The following DNAH11 variants were observed in gnomAD, a reference collection of about 807,000 sequenced individuals.
DNAH11 encodes dynein axonemal heavy chain 11.
A neutral mutation model predicts 526.0 loss-of-function variants in DNAH11; 442 were observed. The ratio of observed to expected loss-of-function variants is 0.84; its 90% CI spans 0.78 to 0.91. The LOEUF is 0.91. Ranked by LOEUF, DNAH11 falls within the 40% of genes least tolerant of loss-of-function variation. DNAH11 has a pLI of 0.00. For synonymous variants in DNAH11, 2,461 were observed against 1,935.9 expected (o/e 1.27, Z -7.12); for missense variants, 6,989 against 5,448.7 (o/e 1.28, Z -8.90).
In DNAH11 at chr7:21,615,120, G is replaced by A. The variant is rs1785706201; in HGVS notation, c.3859G>A (p.Glu1287Lys). Residue 1287 changes from glutamate to lysine, a missense_variant, in exon 21 of 82, where the codon GAA becomes AAA. Transcript: ENST00000409508. ...GTTTATGTTCTCTCCTTAGGCAAATGAAGAGCTTGAGGCCTTAGAAGAAGA... is the reference window on the plus strand; with the variant it reads ...GTTTATGTTCTCTCCTTAGGCAAATAAAGAGCTTGAGGCCTTAGAAGAAGA... ...NPYTALDKAN[E>K]ELEALEEEML... 2 of 1,609,822 alleles carry A rather than the reference G, an allele frequency of 1.2e-6. No homozygotes were observed. Among genetic ancestry groups the A allele is most frequent in the African/African-American group, 2.7e-5 (2 of 74,744 alleles).
intron 36 of DNAH11, among the ~76,000 whole-genome samples, chr7:21,702,002 A>G (rs1417563181): frequency 6.6e-6 from 1 of 152,176 alleles, no homozygotes; most frequent in African/African-American, 2.4e-5. Flanking sequence ...GCAATGTGCT[A>G]GCCCCAAGAA....
At chr7:21,663,024 C>T (rs1782295359) in intron 30 of DNAH11, among the ~76,000 whole-genome samples, 1 of 152,036 alleles carries the variant, frequency 6.6e-6, no homozygotes, top group South Asian at 2.1e-4. Flanking sequence ...ATTCCACACT[C>T]AATATCCATG....
At position 21,656,206 on chromosome 7, in the gene DNAH11, C is replaced by T. The variant is rs191709561; in HGVS notation, c.5094+225C>T. Among the ~76,000 whole-genome samples the T allele has an allele frequency of 2.1e-3, 324 of 152,182 alleles. 2 individuals are homozygous for T. Among genetic ancestry groups the T allele is most frequent in the African/African-American group, 6.8e-3 (281 of 41,522 alleles). ...TTGGCACCCAGCAGGGTCTCAGAGA[C>T]GCTAGGAATTGAGCTAGACAGAAGC... On this transcript the variant is annotated intron_variant, in intron 29 of 81. Transcript: ENST00000409508.
chr7:21,702,773 C>G lies in DNAH11; in HGVS notation c.6244C>G (p.Arg2082Gly). The G allele has an allele frequency of 1.2e-6, 2 of 1,613,298 alleles. No individual in the cohort carries two copies. Among genetic ancestry groups the G allele is most frequent in the Non-Finnish European group, 1.7e-6 (2 of 1,179,660 alleles). Residue 2082 changes from arginine to glycine, a missense_variant, in exon 37 of 82, where the codon CGA (arginine) becomes GGA (glycine). Arg to Gly is a moderately radical substitution (Grantham distance 125). Coordinates refer to ENST00000409508, the MANE Select transcript of DNAH11 (RefSeq NM_001277115.2). ...SVLVVAGSLK[R>G]GDKNRPEDQV... is the part of the protein sequence containing the mutation. ...CTTGGTTGTGGCTGGATCTCTGAAA[C>G]GAGGAGATAAAAATAGACCCGAAGA...
chr7:21,588,850 C>CT (rs901454627), intron 11 of DNAH11, among the ~76,000 whole-genome samples: 11 of 152,082 alleles, frequency 7.2e-5, no homozygotes, highest in Admixed American at 3.3e-4. Flanking sequence ...TTTTCTGGTC[C>CT]TTTTTTTCTT....
At chr7:21,710,463 C>T (rs72657350) in intron 40 of DNAH11, 90 bp from the exon 41 acceptor site, 68 of 1,209,238 alleles carry the variant, frequency 5.6e-5, no homozygotes, top group Non-Finnish European at 7.0e-5. Flanking sequence ...GCAGCAAAAT[C>T]GTTTTTATTT....
At chr7:21,590,863 A>C in intron 12 of DNAH11, 55 bp from the exon 13 acceptor site, 1 of 1,087,648 alleles carries the variant, frequency 9.2e-7, no homozygotes, top group Non-Finnish European at 1.2e-6. Context: ...ACTTGAGTTA[A>C]AATAGAATGA....
chr7:21,645,555 A>C (rs1787316731), intron 28 of DNAH11, among the ~76,000 whole-genome samples: 1 of 152,124 alleles, frequency 6.6e-6, no homozygotes, highest in African/African-American at 2.4e-5. Context: ...AGAGAAATAA[A>C]ATAAAACTGG....
At chr7:21,875,496 C>T (rs918847546) in intron 74 of DNAH11, among the ~76,000 whole-genome samples, 2 of 151,998 alleles carry the variant, frequency 1.3e-5, no homozygotes, top group Admixed American at 1.3e-4. Flanking sequence ...AATACACGTT[C>T]GAAAATATAC....
Position 21,687,439 on chromosome 7 carries a change from G to A in DNAH11, c.5836G>A (p.Glu1946Lys), listed in dbSNP as rs1165469663. ...VQTGAWGCFD[E>K]FNRISVEVLS... The stretch of plus-strand genomic sequence containing the variant: ...GACAGGAGCTTGGGGCTGCTTTGAT[G>A]AGTTCAACCGAATCTCTGTGGAAGT... Residue 1946 changes from glutamate (E) to lysine (K), a missense_variant, in exon 34 of 82, where the codon GAG becomes AAG. Glu to Lys is a moderately conservative substitution (Grantham distance 56). Transcript: ENST00000409508. 1.2e-6 allele frequency: 2 copies of A among 1,614,008 alleles called. No individual in the cohort carries two copies. Among genetic ancestry groups the A allele is most frequent in the Non-Finnish European group, 1.7e-6 (2 of 1,179,930 alleles).
chr7:21,547,205 TGA>T (rs1782836795), intron 2 of DNAH11, among the ~76,000 whole-genome samples: 2 of 152,246 alleles, frequency 1.3e-5, no homozygotes, highest in South Asian at 4.1e-4. Context: ...TTTAGCTGTT[TGA>T]GTTACGAATT....
At position 21,655,870 on chromosome 7, in the gene DNAH11, A is replaced by G. The variant is rs1263575510; in HGVS notation, c.4983A>G (p.Ala1661=). 6.2e-7 allele frequency: 1 copy of G among 1,613,392 alleles called. No individual in the cohort carries two copies. Among genetic ancestry groups the G allele is most frequent in the Non-Finnish European group, 8.5e-7 (1 of 1,179,568 alleles). ...CHLAKLFDSI[A]DLQFEDNQDV... ...TTGCCAAACTTTTCGACAGCATTGC[A>G]GATCTGCAGTTTGAAGACAATCAGG... is the stretch of plus-strand genomic sequence containing the variant. The change falls in exon 29 of 82, where the codon GCA becomes GCG. Residue 1661 remains alanine, a synonymous_variant. Coordinates refer to ENST00000409508, the MANE Select transcript of DNAH11 (RefSeq NM_001277115.2).
Position 21,767,837 on chromosome 7 carries a change from C to CT in DNAH11, c.9102+2254dup, listed in dbSNP as rs373738291. 3.3e-5 allele frequency among the ~76,000 whole-genome samples: 5 copies of CT among 151,982 alleles called. No individual in the cohort carries two copies. The South Asian group carries it at 1.0e-3, about 32-fold the overall frequency. On this transcript the variant is annotated intron_variant, in intron 55 of 81. Coordinates refer to ENST00000409508, the MANE Select transcript of DNAH11 (RefSeq NM_001277115.2). ...TGATCACTTTCTTAGTTTTAATTTC[C>CT]TTTTTTAAGACTGAAAGTTATCAGC...
rs1562503295 is a variant in DNAH11 at position 21,711,837 on chromosome 7, C to G, written c.6960C>G (p.Asn2320Lys). The change falls in exon 42 of 82, where the codon AAC (asparagine) becomes AAG (lysine). Residue 2320 changes from asparagine to lysine, a missense_variant. Asn to Lys is a moderately conservative substitution (Grantham distance 94). Coordinates refer to ENST00000409508, the MANE Select transcript of DNAH11 (RefSeq NM_001277115.2). ...TVSRAGILYV[N>K]PQDLGWNPYV... ...CCAGAGCTGGTATTCTGTATGTGAA[C>G]CCACAAGATCTGGGCTGGAATCCGT... is the stretch of plus-strand genomic sequence containing the variant. The G allele has an allele frequency of 6.2e-7, 1 of 1,613,468 alleles. No individual in the cohort carries two copies. Among genetic ancestry groups the G allele is most frequent in the South Asian group, 1.1e-5 (1 of 91,042 alleles).
At chr7:21,606,800 C>A in intron 20 of DNAH11, 67 bp downstream of exon 20, 2 of 1,280,932 alleles carry the variant, frequency 1.6e-6, no homozygotes, top group Non-Finnish European at 2.2e-6. Context: ...AGTTTAGACA[C>A]AAAATACTGC....
At chr7:21,775,923 G>T (rs1458778090) in intron 56 of DNAH11, among the ~76,000 whole-genome samples, 1 of 152,178 alleles carries the variant, frequency 6.6e-6, no homozygotes, top group Non-Finnish European at 1.5e-5. Flanking sequence ...TTTCAATACT[G>T]TGGGGGCATC....
intron 56 of DNAH11, among the ~76,000 whole-genome samples, chr7:21,775,131 A>T (rs892279120): frequency 6.6e-6 from 1 of 152,152 alleles, no homozygotes. Flanking sequence ...TTAGTTTTCT[A>T]TACCAAGAAT....
intron 62 of DNAH11, among the ~76,000 whole-genome samples, chr7:21,804,689 C>T (rs894145345): frequency 6.6e-6 from 1 of 152,120 alleles, no homozygotes; most frequent in African/African-American, 2.4e-5. Flanking sequence ...TAGCACTTCT[C>T]ATTCTCTTCA....
At position 21,786,762 on chromosome 7, in the gene DNAH11, G is replaced by A; in HGVS notation, c.9736G>A (p.Gly3246Arg). The A allele has an allele frequency of 6.2e-7, 1 of 1,613,718 alleles. No homozygotes were observed. The highest frequency in any genetic ancestry group is 8.5e-7 in the Non-Finnish European group (1 of 1,179,696). ...TTGGAAAGCAGCTAAAGTCTTCATG[G>A]GAAAGGTATCAGCCCAGCCTGGCAA... ...RSWKAAKVFM[G>R]KVDDFLQALI... The change falls in exon 59 of 82, where the codon GGA becomes AGA. Residue 3246 changes from glycine to arginine, a missense_variant. Physicochemically the swap from Gly to Arg is moderately radical, Grantham distance 125 (BLOSUM62 -2). Coordinates refer to ENST00000409508, the MANE Select transcript of DNAH11 (RefSeq NM_001277115.2).
Sources: allele counts gnomAD v4.1 joint callset (sites outside exome capture counted in the v4.1 genomes callset), GRCh38; gene constraint gnomAD v4.1.1; transcripts MANE v1.5; gene names NCBI Gene and HGNC (gene_info 2026-07-23, HGNC 2026-07-21).